MCC: variants seen among roughly 807,000 people sequenced by gnomAD.
The protein encoded by MCC is MCC regulator of Wnt signaling pathway.
A neutral mutation model predicts 116.2 loss-of-function variants in MCC; 90 were observed. The ratio of observed to expected loss-of-function variants is 0.77; its 90% CI spans 0.65 to 0.92. The LOEUF is 0.92. MCC is among the 40% of genes least tolerant of loss of function. The pLI is 0.00. For synonymous variants in MCC, 578 were observed against 510.5 expected, an observed-to-expected ratio of 1.13 and a Z score of -1.78; for missense variants, 1,516 against 1,312.2, an observed-to-expected ratio of 1.16 and a Z score of -2.40.
intron 3 of MCC, chr5:113,294,565 C>A: frequency 7.7e-7 from 1 of 1,291,490 alleles, no homozygotes; most frequent in African/African-American, 1.5e-5. Context: ...AAAAGAGCAG[C>A]CGTGGCTCGC....
At chr5:113,092,971 G>A (rs1369557848) in intron 8 of MCC, among the ~76,000 whole-genome samples, 1 of 152,206 alleles carries the variant, frequency 6.6e-6, no homozygotes, top group African/African-American at 2.4e-5. Flanking sequence ...TGCTGTAAAT[G>A]CAATAGGTGG....
chr5:113,255,025 C>T (rs1045561976), intron 3 of MCC, among the ~76,000 whole-genome samples: 5 of 152,042 alleles, frequency 3.3e-5, no homozygotes, highest in African/African-American at 9.7e-5. Flanking sequence ...ATTAGCTGGG[C>T]GTGGTGGCAG....
At chr5:113,374,203 CTT>C (rs66471989) in intron 2 of MCC, among the ~76,000 whole-genome samples, 10 of 136,604 alleles carry the variant, frequency 7.3e-5, no homozygotes, top group South Asian at 2.3e-4. Context: ...GGGGCTTCTA[CTT>C]TTTTTTTTTT....
At chr5:113,378,876 C>T (rs1248315238) in intron 2 of MCC, among the ~76,000 whole-genome samples, 1 of 152,150 alleles carries the variant, frequency 6.6e-6, no homozygotes, top group Non-Finnish European at 1.5e-5. Flanking sequence ...ATATCTAATG[C>T]TAGAATTTCT....
chr5:113,471,875 C>T (rs568894763), intron 1 of MCC, among the ~76,000 whole-genome samples: 65 of 152,184 alleles, frequency 4.3e-4, no homozygotes, highest in African/African-American at 1.5e-3. Flanking sequence ...GGCGCCCCTC[C>T]CCCAGCCTTG....
intron 1 of MCC, chr5:113,448,310 G>C (rs10053341): frequency 1.3e-5 from 2 of 152,070 alleles, no homozygotes; most frequent in African/African-American, 4.8e-5. Context: ...AACATATGTG[G>C]AAGAGCTATG....
intron 3 of MCC, among the ~76,000 whole-genome samples, chr5:113,329,479 TAC>T (rs897334352): frequency 7.4e-6 from 1 of 134,954 alleles, no homozygotes; most frequent in Non-Finnish European, 1.6e-5. Context: ...TATATACGTA[TAC>T]ACACACATAT....
At chr5:113,473,913 C>A (rs1446443623) in intron 1 of MCC, among the ~76,000 whole-genome samples, 1 of 152,012 alleles carries the variant, frequency 6.6e-6, no homozygotes, top group Non-Finnish European at 1.5e-5. Flanking sequence ...TATTTCAGGC[C>A]TGAAAAGCTG....
At chr5:113,096,189 G>C (rs987714022) in intron 8 of MCC, among the ~76,000 whole-genome samples, 3 of 152,214 alleles carry the variant, frequency 2.0e-5, no homozygotes, top group Non-Finnish European at 4.4e-5. Flanking sequence ...AAGGCAGAAA[G>C]CCTGTAGCTC....
At chr5:113,150,145 GAAAGA>G (rs1759762099) in intron 4 of MCC, among the ~76,000 whole-genome samples, 2 of 152,192 alleles carry the variant, frequency 1.3e-5, no homozygotes, top group Admixed American at 6.5e-5. Flanking sequence ...AGAGACAAAG[GAAAGA>G]AAAGGTCCAG....
At chr5:113,291,586 G>GA (rs1355623753) in intron 3 of MCC, among the ~76,000 whole-genome samples, 2 of 152,112 alleles carry the variant, frequency 1.3e-5, no homozygotes, top group African/African-American at 4.8e-5. Flanking sequence ...ACATCAGGCT[G>GA]AAACTGACCC....
intron 17 of MCC, among the ~76,000 whole-genome samples, chr5:113,034,219 G>A (rs1011247734): frequency 1.3e-5 from 2 of 152,190 alleles, no homozygotes; most frequent in South Asian, 2.1e-4. Flanking sequence ...TAATTGAAAC[G>A]TAATGTGGTA....
chr5:113,451,887 G>A lies in MCC; in HGVS notation c.170+36358C>T, dbSNP rs530991325. 9.2e-5 allele frequency among the ~76,000 whole-genome samples: 14 copies of A among 152,332 alleles called. No individual in the cohort carries two copies. In the East Asian group the frequency reaches 2.7e-3, roughly 29 times the overall value. ...AGTGTGTTTAACTACTCATGATTCT[G>A]TGGGTTGGCTGGGTTAGCTGAGCAG... On this transcript the variant is annotated intron_variant, in intron 1 of 18. Transcript: ENST00000408903.
In MCC at chr5:113,441,318, G is replaced by A. The variant is rs1463426736; in HGVS notation, c.170+46927C>T. 2.0e-5 allele frequency among the ~76,000 whole-genome samples: 3 copies of A among 152,146 alleles called. No homozygotes were observed. In the East Asian group the frequency reaches 5.8e-4, roughly 29 times the overall value. On this transcript the variant is annotated intron_variant, in intron 1 of 18. Coordinates refer to ENST00000408903, the MANE Select transcript of MCC (RefSeq NM_001085377.2). ...CCACTGCACCATCTGTTGCCTGAAC[G>A]ACAGAATGAGACACTGTCTCAAAAC... is the stretch of plus-strand genomic sequence containing the variant.
rs1444042913 is a variant in MCC at position 113,468,956 on chromosome 5, T to C, written c.170+19289A>G. ...ATTTATCCATTTCTTCTAGATTTTC[T>C]AGTTTATTTGCATAGAGGTGTTTAT... On this transcript the variant is annotated intron_variant, in intron 1 of 18. Coordinates refer to ENST00000408903, the MANE Select transcript of MCC (RefSeq NM_001085377.2). 5.3e-5 allele frequency among the ~76,000 whole-genome samples: 8 copies of C among 152,356 alleles called. No individual in the cohort carries two copies. In the East Asian group the frequency reaches 1.2e-3, roughly 22 times the overall value.
At chr5:113,127,780 C>T (rs188717000) in intron 5 of MCC, among the ~76,000 whole-genome samples, 2 of 152,286 alleles carry the variant, frequency 1.3e-5, no homozygotes, top group Non-Finnish European at 2.9e-5. Flanking sequence ...TATTTTCTCC[C>T]ATTGTGTAAG....
intron 1 of MCC, among the ~76,000 whole-genome samples, chr5:113,406,684 T>C (rs927110946): frequency 6.6e-6 from 1 of 152,232 alleles, no homozygotes. Flanking sequence ...TTTTCACTTA[T>C]AGAAAAGCAA....
At chr5:113,446,176 C>A (rs1379602589) in intron 1 of MCC, among the ~76,000 whole-genome samples, 1 of 152,114 alleles carries the variant, frequency 6.6e-6, no homozygotes, top group African/African-American at 2.4e-5. Flanking sequence ...CAACACCATT[C>A]TGAACAATGA....
intron 2 of MCC, among the ~76,000 whole-genome samples, chr5:113,358,234 T>C (rs1269438731): frequency 1.3e-5 from 2 of 152,230 alleles, no homozygotes; most frequent in East Asian, 1.9e-4. Context: ...CTTTGGTTAC[T>C]GGGTTTGACA....
Sources: gnomAD v4.1 joint callset for allele counts (sites outside exome capture counted in the v4.1 genomes callset) on GRCh38, gnomAD v4.1.1 for gene constraint, MANE v1.5 for transcripts, NCBI Gene and HGNC (gene_info 2026-07-23, HGNC 2026-07-21) for gene names.